The following CAPS2 variants were observed in gnomAD, a reference collection of about 807,000 sequenced individuals.
CAPS2 encodes calcyphosine 2, also known as calcyphosin-2.
In CAPS2, 98 loss-of-function variants were observed where a neutral mutation model predicts 86.5. The ratio of observed to expected loss-of-function variants is 1.13; its 90% confidence interval spans 0.96 to 1.34. CAPS2 has a LOEUF of 1.34. Among genes scored for constraint, CAPS2 ranks in the 40% most tolerant of loss-of-function variants. CAPS2 has a pLI of 0.00. For synonymous variants in CAPS2, 210 were observed against 225.1 expected, an observed-to-expected ratio of 0.93 and a Z score of 0.60; for missense variants, 729 against 686.8, an observed-to-expected ratio of 1.06 and a Z score of -0.69.
intron 15 of CAPS2, among the ~76,000 whole-genome samples, 161 bp downstream of exon 15, chr12:75,284,800 G>T (rs73357356): frequency 1.3e-5 from 2 of 151,548 alleles, no homozygotes; most frequent in Non-Finnish European, 2.9e-5. Context: ...CTTCATTCTG[G>T]GTTGATTTGT....
chr12:75,306,862 T>C (rs1428542065), intron 7 of CAPS2, among the ~76,000 whole-genome samples: 3 of 152,118 alleles, frequency 2.0e-5, no homozygotes, highest in Non-Finnish European at 4.4e-5. Flanking sequence ...TGGCACACTT[T>C]ACTAAACACA....
chr12:75,301,432 T>G (rs990449631), intron 8 of CAPS2, among the ~76,000 whole-genome samples: 10 of 152,316 alleles, frequency 6.6e-5, no homozygotes, highest in African/African-American at 2.4e-4. Flanking sequence ...AATGTGTTTA[T>G]TGAATGCCCA....
At chr12:75,367,144 A>AAACC (rs1469688801) in intron 1 of CAPS2, 3 of 642,756 alleles carry the variant, frequency 4.7e-6, no homozygotes, top group Non-Finnish European at 5.6e-6. Context: ...TCCAAAGTGG[A>AAACC]AACCAAATAG....
intron 7 of CAPS2, among the ~76,000 whole-genome samples, chr12:75,307,139 T>C (rs2038600384): frequency 6.6e-6 from 1 of 152,214 alleles, no homozygotes; most frequent in African/African-American, 2.4e-5. Context: ...ATTAGCTGTG[T>C]AGCCCTATCT....
chr12:75,310,699 A>C, intron 7 of CAPS2, among the ~76,000 whole-genome samples: 1 of 152,088 alleles, frequency 6.6e-6, no homozygotes, highest in Non-Finnish European at 1.5e-5. Flanking sequence ...ACACACAGTT[A>C]TACGACTCTG....
In CAPS2 at chr12:75,381,008, C is replaced by CA. The variant is rs1228625707; in HGVS notation, c.-395+9829dup. Among the ~76,000 whole-genome samples, 3 of 152,058 alleles carry CA rather than the reference C, an allele frequency of 2.0e-5. No individual in the cohort carries two copies. In the East Asian group the frequency reaches 5.8e-4, roughly 29 times the overall value. On this transcript the variant is annotated intron_variant, in intron 1 of 5. Transcript: ENST00000551829. ...ATATAAATAGTCTCGGATTTATACT[C>CA]AATTTTATGGCTCAGTCTTTTAGAG...
chr12:75,287,252 T>C (rs568283497), intron 14 of CAPS2, among the ~76,000 whole-genome samples: 16 of 152,070 alleles, frequency 1.1e-4, no homozygotes, highest in Non-Finnish European at 2.1e-4. Context: ...TCTGACCTTC[T>C]CCTGCCCTTC....
At chr12:75,364,776 T>C (rs192345755) in intron 1 of CAPS2, 2 of 152,334 alleles carry the variant, frequency 1.3e-5, no homozygotes, top group African/African-American at 4.8e-5. Context: ...CATTTCTTTT[T>C]GTTGTCTTTA....
intron 1 of CAPS2, among the ~76,000 whole-genome samples, chr12:75,382,256 C>A (rs1044912590): frequency 6.6e-6 from 1 of 152,160 alleles, no homozygotes; most frequent in African/African-American, 2.4e-5. Context: ...TGATCATTTT[C>A]AGTAAATGTA....
In CAPS2 at chr12:75,298,793, T is replaced by TG; in HGVS notation, c.951-14dup. ...AAGCACATTTGTTCTAGAAAGTAAA[T>TG]GAAAAAAAAATGGAAAGTTATTTAG... is the stretch of plus-strand genomic sequence containing the variant. On this transcript the variant is annotated splice_polypyrimidine_tract_variant and intron_variant, in intron 10 of 16. Coordinates refer to ENST00000393284, the Ensembl canonical transcript of CAPS2. 6.2e-7 allele frequency: 1 copy of TG among 1,600,814 alleles called. No individual in the cohort carries two copies. Among genetic ancestry groups the TG allele is most frequent in the Non-Finnish European group, 8.5e-7 (1 of 1,172,376 alleles).
intron 15 of CAPS2, 135 bp from the exon 16 acceptor site, chr12:75,282,482 G>A (rs1038265279): frequency 1.6e-6 from 1 of 614,862 alleles, no homozygotes. Flanking sequence ...CGCCTCCCAG[G>A]TTCAAGTGTT....
At chr12:75,290,854 T>C (rs1161379199) in intron 13 of CAPS2, among the ~76,000 whole-genome samples, 1 of 150,884 alleles carries the variant, frequency 6.6e-6, no homozygotes, top group Non-Finnish European at 1.5e-5. Context: ...AAACCAGGAA[T>C]CTGAGGCTGC....
At chr12:75,323,603 C>A (rs566417669) in intron 2 of CAPS2, among the ~76,000 whole-genome samples, 1 of 152,036 alleles carries the variant, frequency 6.6e-6, no homozygotes, top group South Asian at 2.1e-4. Flanking sequence ...ACAAGCCAGG[C>A]GTGGTGACAC....
chr12:75,303,434 G>T (rs1336470438), intron 8 of CAPS2, among the ~76,000 whole-genome samples: 1 of 152,172 alleles, frequency 6.6e-6, no homozygotes, highest in African/African-American at 2.4e-5. Context: ...GGTTAACCTG[G>T]TATAGCAGGG....
rs1292980379 is a variant in CAPS2 at position 75,344,660 on chromosome 12, T to C, written c.-394-21438A>G. On this transcript the variant is annotated intron_variant, in intron 1 of 5. Transcript: ENST00000551829. ...AATCGAATTTTCTTCCATCATATCA[T>C]GTTGGGTAAATTTTATTATATTCGC... 3.3e-5 allele frequency among the ~76,000 whole-genome samples: 5 copies of C among 152,272 alleles called. No individual in the cohort carries two copies. The South Asian group carries it at 8.3e-4, about 25-fold the overall frequency.
At chr12:75,292,820 C>A (rs957123550) in intron 12 of CAPS2, among the ~76,000 whole-genome samples, 1 of 150,230 alleles carries the variant, frequency 6.7e-6, no homozygotes. Context: ...TAATTTTTCA[C>A]TGTGCACTTT....
chr12:75,322,915 G>T, intron 4 of CAPS2: 2 of 965,092 alleles, frequency 2.1e-6, no homozygotes, highest in South Asian at 3.1e-5. Context: ...AACATAGACT[G>T]AACATAATAA....
intron 1 of CAPS2, among the ~76,000 whole-genome samples, chr12:75,376,531 C>T (rs754420132): frequency 1.3e-5 from 2 of 152,172 alleles, no homozygotes; most frequent in South Asian, 2.1e-4. Context: ...TGCCTGGCAA[C>T]TGCCTCAGGC....
At chr12:75,305,858 G>C in intron 7 of CAPS2, 1 of 757,120 alleles carries the variant, frequency 1.3e-6, no homozygotes, top group South Asian at 1.4e-5. Flanking sequence ...CCAGGTGTTC[G>C]GGATGCACCG....
Sources: gnomAD v4.1 joint callset for allele counts (sites outside exome capture counted in the v4.1 genomes callset) on GRCh38, gnomAD v4.1.1 for gene constraint, MANE v1.5 for transcripts, NCBI Gene and HGNC (gene_info 2026-07-23, HGNC 2026-07-21) for gene names.